MYO3B: variants seen among roughly 807,000 people sequenced by gnomAD.
MYO3B encodes the protein myosin-IIIb.
A neutral mutation model predicts 174.6 loss-of-function variants in MYO3B; 156 were observed. The ratio of observed to expected loss-of-function variants is 0.89; its 90% confidence interval spans 0.78 to 1.02. The LOEUF (loss-of-function observed/expected upper bound fraction) is 1.02. Among genes scored for constraint, MYO3B ranks in the 50% least tolerant of loss-of-function variants. MYO3B has a pLI of 0.00. For missense variants in MYO3B, 1,632 were observed against 1,639.4 expected, an observed-to-expected ratio of 1.00 and a Z score of 0.08; for synonymous variants, 563 against 569.1, an observed-to-expected ratio of 0.99 and a Z score of 0.15.
intron 1 of MYO3B, among the ~76,000 whole-genome samples, chr2:170,191,506 A>G (rs922884159): frequency 9.2e-5 from 14 of 152,108 alleles, no homozygotes; most frequent in Non-Finnish European, 5.9e-5. Flanking sequence ...TCAAGTTCCT[A>G]TCACTGGGAG....
chr2:170,466,561 G>T lies in MYO3B; in HGVS notation c.2864G>T (p.Arg955Leu). 4 of 1,614,170 alleles carry T rather than the reference G, an allele frequency of 2.5e-6. No homozygotes were observed. Among genetic ancestry groups the T allele is most frequent in the Non-Finnish European group, 3.4e-6 (4 of 1,180,030 alleles). ...GTGGTTGGACAGCCCCACTTTGTGC[G>T]CTGCATTAAACCCAATGATGACCGA... is the stretch of plus-strand genomic sequence containing the variant. ...KMVVGQPHFV[R>L]CIKPNDDREA... Residue 955 changes from arginine (R) to leucine (L), a missense_variant, in exon 25 of 35, where the codon CGC becomes CTC. Arg to Leu is a moderately radical substitution (Grantham distance 102, BLOSUM62 -2). Transcript: ENST00000408978.
intron 7 of MYO3B, among the ~76,000 whole-genome samples, chr2:170,243,900 A>T (rs1202001249): frequency 6.6e-6 from 1 of 152,176 alleles, no homozygotes; most frequent in Non-Finnish European, 1.5e-5. Flanking sequence ...TGCCATTAGT[A>T]TCCATTGTCA....
At chr2:170,329,646 G>A (rs968887069) in intron 7 of MYO3B, among the ~76,000 whole-genome samples, 1 of 151,340 alleles carries the variant, frequency 6.6e-6, no homozygotes, top group East Asian at 1.9e-4. Context: ...TGCCTGCCTT[G>A]GCCTCCCAAA....
At chr2:170,464,367 T>C (rs1575021418) in intron 24 of MYO3B, among the ~76,000 whole-genome samples, 2 of 127,688 alleles carry the variant, frequency 1.6e-5, no homozygotes, top group African/African-American at 5.7e-5. Flanking sequence ...AAAAAAAAAA[T>C]GCTGTTAGAT....
Position 170,234,181 on chromosome 2 carries a change from A to AC in MYO3B, c.604-1810_604-1809insC, listed in dbSNP as rs1471910149. 1.2e-4 allele frequency among the ~76,000 whole-genome samples: 9 copies of AC among 72,704 alleles called. No individual in the cohort carries two copies. In the Admixed American group the frequency reaches 1.3e-3, roughly 10 times the overall value. The allele number at this position is 72,704 out of a possible 152,430, so 47.7% of individuals were successfully genotyped here. ...GTGAGACTCCGTCTCAAAAAAAAAA[A>AC]AAAAAACAAAACAAAACAAAAAAAA... On this transcript the variant is annotated intron_variant, in intron 6 of 34. Transcript: ENST00000408978.
chr2:170,389,972 G>C (rs564916335), intron 14 of MYO3B, among the ~76,000 whole-genome samples: 1 of 152,020 alleles, frequency 6.6e-6, no homozygotes, highest in South Asian at 2.1e-4. Flanking sequence ...TTCTTATAAT[G>C]ACACTCAGAG....
chr2:170,531,598 T>C (rs563548720), intron 30 of MYO3B, among the ~76,000 whole-genome samples: 2 of 152,204 alleles, frequency 1.3e-5, no homozygotes, highest in South Asian at 2.1e-4. Context: ...ATTAGAGGAG[T>C]TGTTGTTATC....
intron 22 of MYO3B, among the ~76,000 whole-genome samples, chr2:170,423,227 C>T (rs989839130): frequency 3.9e-5 from 6 of 152,072 alleles, no homozygotes; most frequent in Admixed American, 3.3e-4. Context: ...AGGTGATCCA[C>T]CCACCTTGGC....
intron 7 of MYO3B, among the ~76,000 whole-genome samples, chr2:170,244,090 C>T (rs1303558825): frequency 6.6e-6 from 1 of 152,136 alleles, no homozygotes; most frequent in Non-Finnish European, 1.5e-5. Context: ...AGAACTAGGG[C>T]CATGGTACTT....
intron 7 of MYO3B, among the ~76,000 whole-genome samples, chr2:170,333,075 G>C (rs1346225369): frequency 2.6e-5 from 4 of 152,154 alleles, no homozygotes; most frequent in Non-Finnish European, 4.4e-5. Context: ...TGCTTAAGCA[G>C]CTCTTCTCTG....
chr2:170,510,170 G>A (rs1253662810), intron 28 of MYO3B, among the ~76,000 whole-genome samples: 2 of 152,172 alleles, frequency 1.3e-5, no homozygotes, highest in Non-Finnish European at 2.9e-5. Context: ...GATGCAAATG[G>A]TTGTGAAAAG....
At chr2:170,200,435 T>C in intron 3 of MYO3B, 151 bp downstream of exon 3, 1 of 787,146 alleles carries the variant, frequency 1.3e-6, no homozygotes, top group East Asian at 3.0e-5. Context: ...GACATTCTCC[T>C]CCACAGTTCT....
Position 170,214,438 on chromosome 2 carries a change from G to C in MYO3B, c.381G>C (p.Arg127=), listed in dbSNP as rs1216165051. ...AAGGTCTACTCAGATGTGGCCAGCGGTTGGATGAAGCAATGATCTCATACA... is the reference window on the plus strand; with the variant it reads ...AAGGTCTACTCAGATGTGGCCAGCGCTTGGATGAAGCAATGATCTCATACA... The part of the protein sequence containing the change: ...LVKGLLRCGQ[R]LDEAMISYIL... The change falls in exon 4 of 35, where the codon CGG becomes CGC. Residue 127 remains arginine (R), a synonymous_variant. Coordinates refer to ENST00000408978, the MANE Select transcript of MYO3B (RefSeq NM_138995.5). 6.2e-7 allele frequency: 1 copy of C among 1,614,166 alleles called. No homozygotes were observed. The highest frequency in any genetic ancestry group is 2.2e-5 in the East Asian group (1 of 44,888).
chr2:170,214,895 A>G, intron 5 of MYO3B, 67 bp downstream of exon 5: 3 of 1,209,448 alleles, frequency 2.5e-6, no homozygotes, highest in Non-Finnish European at 2.4e-6. Flanking sequence ...ATTTATTGCA[A>G]TCTCAGAAGA....
intron 7 of MYO3B, among the ~76,000 whole-genome samples, chr2:170,278,231 T>C (rs1391347093): frequency 6.6e-6 from 1 of 152,128 alleles, no homozygotes; most frequent in Non-Finnish European, 1.5e-5. Flanking sequence ...ATCACCAAGG[T>C]AACCAGAGCA....
intron 25 of MYO3B, among the ~76,000 whole-genome samples, chr2:170,474,158 G>A (rs74528393): frequency 0.01 from 1,552 of 152,228 alleles, 16 homozygotes; most frequent in Non-Finnish European, 0.016. Context: ...AAGGAGCCAG[G>A]TTAGCTCTCC....
At chr2:170,606,805 G>T (rs1464264844) in intron 32 of MYO3B, among the ~76,000 whole-genome samples, 4 of 152,220 alleles carry the variant, frequency 2.6e-5, no homozygotes, top group African/African-American at 7.2e-5. Flanking sequence ...CAGATCACCT[G>T]AGGTTGGGAG....
intron 29 of MYO3B, among the ~76,000 whole-genome samples, chr2:170,517,643 A>G (rs1486559738): frequency 6.6e-6 from 1 of 152,208 alleles, no homozygotes; most frequent in Non-Finnish European, 1.5e-5. Flanking sequence ...GGGCCAGAGA[A>G]CAAGGTTAAA....
intron 32 of MYO3B, among the ~76,000 whole-genome samples, chr2:170,567,592 A>G (rs1053646624): frequency 3.9e-5 from 6 of 152,212 alleles, no homozygotes; most frequent in African/African-American, 1.4e-4. Flanking sequence ...TGTCAGCAGA[A>G]AATGCTTTGT....
Sources: gnomAD v4.1 joint callset for allele counts (sites outside exome capture counted in the v4.1 genomes callset) on GRCh38, gnomAD v4.1.1 for gene constraint, MANE v1.5 for transcripts, NCBI Gene and HGNC (gene_info 2026-07-23, HGNC 2026-07-21) for gene names.